The following GUCY1A2 variants were observed in gnomAD, a reference collection of about 807,000 sequenced individuals.
GUCY1A2 encodes the protein guanylate cyclase 1 soluble subunit alpha 2, also known as guanylate cyclase soluble subunit alpha-2.
A neutral mutation model predicts 63.5 loss-of-function variants in GUCY1A2; 27 were observed. The observed-to-expected ratio is 0.43, with a 90% CI of 0.31 to 0.59. GUCY1A2 has a LOEUF of 0.59. Among genes scored for constraint, GUCY1A2 ranks in the 20% least tolerant of loss-of-function variants. The pLI is 0.11. For missense variants in GUCY1A2, 768 were observed against 913.3 expected, an observed-to-expected ratio of 0.84 and a Z score of 2.05; for synonymous variants, 364 against 343.5, an observed-to-expected ratio of 1.06 and a Z score of -0.66.
chr11:106,745,262 C>T (rs929689668), intron 6 of GUCY1A2, among the ~76,000 whole-genome samples: 2 of 152,124 alleles, frequency 1.3e-5, no homozygotes, highest in African/African-American at 4.8e-5. Flanking sequence ...TACTAAACCC[C>T]ACAGTGTTCT....
chr11:106,914,754 G>T (rs1591325863), intron 4 of GUCY1A2, among the ~76,000 whole-genome samples: 1 of 151,900 alleles, frequency 6.6e-6, no homozygotes, highest in East Asian at 1.9e-4. Context: ...ATGTTTCATG[G>T]GTATTTGGAA....
intron 6 of GUCY1A2, among the ~76,000 whole-genome samples, chr11:106,737,929 T>C (rs1026522766): frequency 1.3e-5 from 2 of 152,194 alleles, no homozygotes; most frequent in African/African-American, 4.8e-5. Flanking sequence ...GATTGCTGGG[T>C]CAAATGGTAA....
intron 7 of GUCY1A2, among the ~76,000 whole-genome samples, chr11:106,698,684 T>A (rs189564213): frequency 4.6e-5 from 7 of 152,290 alleles, no homozygotes; most frequent in African/African-American, 1.7e-4. Context: ...TTTCACTGAT[T>A]TTCTATTAAT....
chr11:106,944,213 T>C (rs1262117997), intron 3 of GUCY1A2, among the ~76,000 whole-genome samples: 16 of 9,264 alleles, frequency 1.7e-3, no homozygotes, highest in Admixed American at 3.3e-3. Context: ...AGACCCTGTC[T>C]CCAAAAAAAA....
chr11:106,950,708 C>T lies in GUCY1A2; in HGVS notation c.488-10530G>A, dbSNP rs145239809. ...AGGAAAGCATGATTTCCACATGGAC[C>T]GATCCTCGGAGGGCTTACTCAGAGC... On this transcript the variant is annotated intron_variant, in intron 3 of 7. Transcript: ENST00000526355. Among the ~76,000 whole-genome samples the T allele has an allele frequency of 7.8e-4, 118 of 152,254 alleles. 3 individuals carry two copies. In the East Asian group the frequency reaches 0.012, roughly 15 times the overall value.
chr11:106,874,027 T>C (rs888707837), intron 4 of GUCY1A2, among the ~76,000 whole-genome samples: 1 of 152,190 alleles, frequency 6.6e-6, no homozygotes, highest in African/African-American at 2.4e-5. Context: ...TATAAATCAA[T>C]GTTATCCTTT....
chr11:106,812,973 A>C (rs1591287452), intron 4 of GUCY1A2, among the ~76,000 whole-genome samples: 1 of 152,148 alleles, frequency 6.6e-6, no homozygotes, highest in East Asian at 1.9e-4. Context: ...TTTTTACTTT[A>C]ATTGGAAAAT....
intron 3 of GUCY1A2, among the ~76,000 whole-genome samples, chr11:106,967,241 C>T (rs1434637902): frequency 6.6e-6 from 1 of 152,182 alleles, no homozygotes; most frequent in African/African-American, 2.4e-5. Context: ...TGAAAGCTCA[C>T]AGACAAGTAT....
chr11:106,888,626 G>T (rs1185774889), intron 4 of GUCY1A2, among the ~76,000 whole-genome samples: 1 of 152,134 alleles, frequency 6.6e-6, no homozygotes, highest in Non-Finnish European at 1.5e-5. Flanking sequence ...TAGCCAACAG[G>T]CGTTTGTACC....
At position 106,681,588 on chromosome 11, in the gene GUCY1A2, G is replaced by T; in HGVS notation, c.*5961C>A. 4.5e-6 allele frequency: 1 copy of T among 223,080 alleles called. No homozygotes were observed. The highest frequency in any genetic ancestry group is 6.5e-5 in the East Asian group (1 of 15,380). 13.8% of individuals were successfully genotyped at this position (223,080 alleles called of 1,614,324 possible). On this transcript the variant is annotated 3_prime_UTR_variant, in exon 8 of 8. Transcript: ENST00000526355. ...ATCACTTTACAGCATGTTTGCAAATGAATAACTTCTGAGATAGATTAAACA... is the reference window on the plus strand; with the variant it reads ...ATCACTTTACAGCATGTTTGCAAATTAATAACTTCTGAGATAGATTAAACA...
intron 4 of GUCY1A2, among the ~76,000 whole-genome samples, chr11:106,812,063 C>T (rs1858769063): frequency 6.6e-6 from 1 of 151,842 alleles, no homozygotes; most frequent in Non-Finnish European, 1.5e-5. Flanking sequence ...GTTTCATATG[C>T]TCTTTAGGGT....
intron 4 of GUCY1A2, among the ~76,000 whole-genome samples, chr11:106,874,867 T>C (rs1432137363): frequency 6.6e-6 from 1 of 152,168 alleles, no homozygotes; most frequent in Non-Finnish European, 1.5e-5. Flanking sequence ...GAATCAAGAC[T>C]GATTCCTATC....
intron 7 of GUCY1A2, among the ~76,000 whole-genome samples, chr11:106,704,849 A>C (rs1158508065): frequency 6.6e-6 from 1 of 150,732 alleles, no homozygotes; most frequent in Non-Finnish European, 1.5e-5. Context: ...TTATTTTAAA[A>C]TATATATTAT....
chr11:106,738,308 T>C (rs1289583336), intron 6 of GUCY1A2, among the ~76,000 whole-genome samples: 2 of 152,190 alleles, frequency 1.3e-5, no homozygotes, highest in Admixed American at 6.5e-5. Context: ...GTCAGATGGA[T>C]AGATTGCAAA....
intron 5 of GUCY1A2, among the ~76,000 whole-genome samples, chr11:106,788,731 T>G (rs1361411991): frequency 7.2e-5 from 11 of 152,218 alleles, no homozygotes; most frequent in Non-Finnish European, 1.3e-4. Context: ...GGCTATATTC[T>G]GGGTTCTCTG....
rs1215052105 is a variant in GUCY1A2 at position 106,682,320 on chromosome 11, T to C, written c.*5229A>G. On this transcript the variant is annotated 3_prime_UTR_variant, in exon 8 of 8. Coordinates refer to ENST00000526355, the MANE Select transcript of GUCY1A2 (RefSeq NM_000855.3). ...ATTTATTCCTAGTAATTGGGATTAT[T>C]TGAATACTTTTCAATGATTCCCAAG... is the stretch of plus-strand genomic sequence containing the variant. 4.6e-6 allele frequency: 1 copy of C among 217,978 alleles called. No individual in the cohort carries two copies. Among genetic ancestry groups the C allele is most frequent in the Admixed American group, 5.8e-5 (1 of 17,172 alleles). The allele number at this position is 217,978 out of a possible 1,614,324, so 13.5% of individuals were successfully genotyped here.
In GUCY1A2 at chr11:107,018,103, A is replaced by AGCG. The variant is rs755363732; in HGVS notation, c.-51_-49dup. The AGCG allele has an allele frequency of 1.5e-5, 20 of 1,295,838 alleles. 1 individual carries two copies. The South Asian group carries it at 2.3e-4, about 15-fold the overall frequency. The allele number at this position is 1,295,838 out of a possible 1,614,324, so 80.3% of individuals were successfully genotyped here. On this transcript the variant is annotated 5_prime_UTR_variant, in exon 1 of 8. Coordinates refer to ENST00000526355, the MANE Select transcript of GUCY1A2 (RefSeq NM_000855.3). ...CCGAGGCGGTGGCGGCGAGGACGCGAGCGGCGGCGGAGGCGGCGGTGGCGG... is the reference window on the plus strand; with the variant it reads ...CCGAGGCGGTGGCGGCGAGGACGCGAGCGGCGGCGGCGGAGGCGGCGGTGGCGG...
intron 5 of GUCY1A2, among the ~76,000 whole-genome samples, chr11:106,778,863 G>A (rs1044861141): frequency 7.9e-5 from 12 of 151,884 alleles, no homozygotes; most frequent in East Asian, 1.9e-4. Context: ...TTTTATGAGC[G>A]CCATCTAGAT....
rs753971154 is a variant in GUCY1A2, at chr11:107,017,990, G to A, written c.66C>T (p.Ser22=). The A allele has an allele frequency of 1.0e-5, 15 of 1,461,134 alleles. No individual in the cohort carries two copies. The East Asian group carries it at 3.8e-4, about 37-fold the overall frequency. 90.5% of individuals were successfully genotyped at this position (1,461,134 alleles called of 1,614,324 possible). Residue 22 remains serine (S), a synonymous_variant, in exon 1 of 8, where the codon AGC becomes AGT. Transcript: ENST00000526355. ...GGGGGCACTCCCCCTCCTCCTCCGG[G>A]CTGGTCTCCAGGTAGTCGGAGCCCA... ...SSLGSDYLET[S]PEEEGECPLS...
Sources: allele counts gnomAD v4.1 joint callset (sites outside exome capture counted in the v4.1 genomes callset), GRCh38; gene constraint gnomAD v4.1.1; transcripts MANE v1.5; gene names NCBI Gene and HGNC (gene_info 2026-07-23, HGNC 2026-07-21).